Variants in SCG5 observed in about 807,000 individuals in gnomAD.
SCG5 encodes secretogranin V.
SCG5 carries 18 observed loss-of-function variants against 25.7 expected under a neutral mutation model. The ratio of observed to expected loss-of-function variants is 0.70; its 90% CI spans 0.48 to 1.04. SCG5 has a LOEUF of 1.04. Among genes scored for constraint, SCG5 ranks in the 50% least tolerant of loss-of-function variants. SCG5 has a pLI of 0.00. For missense variants in SCG5, 206 were observed against 259.8 expected, an observed-to-expected ratio of 0.79 and a Z score of 1.42; for synonymous variants, 101 against 91.7, an observed-to-expected ratio of 1.10 and a Z score of -0.58.
chr15:32,681,412 C>A (rs2054617931), intron 3 of SCG5, among the ~76,000 whole-genome samples: 1 of 152,044 alleles, frequency 6.6e-6, no homozygotes. Flanking sequence ...GTGTACTCAA[C>A]CACCAGGACA....
intron 2 of SCG5, among the ~76,000 whole-genome samples, chr15:32,651,224 G>C (rs781123108): frequency 6.6e-6 from 1 of 152,206 alleles, no homozygotes; most frequent in East Asian, 1.9e-4. Context: ...AATAAAATAC[G>C]TTCTTTTTTA....
intron 5 of SCG5, among the ~76,000 whole-genome samples, chr15:32,692,712 A>C (rs2054881375): frequency 6.6e-6 from 1 of 152,206 alleles, no homozygotes; most frequent in South Asian, 2.1e-4. Context: ...AAGTGCCTGG[A>C]TCCTCACAAA....
In SCG5 at chr15:32,679,845, C is replaced by T. The variant is rs1026155591; in HGVS notation, c.306C>T (p.Asn102=). The T allele has an allele frequency of 4.3e-6, 7 of 1,613,834 alleles. No individual in the cohort carries two copies. The highest frequency in any genetic ancestry group is 5.9e-6 in the Non-Finnish European group (7 of 1,179,844). ...TCGTGGCAGAGTTGACTGGAGACAACATTCCTAAGGACTTTAGTGAGGATC... is the reference window on the plus strand; with the variant it reads ...TCGTGGCAGAGTTGACTGGAGACAATATTCCTAAGGACTTTAGTGAGGATC... The part of the protein sequence containing the change: ...PNIVAELTGD[N]IPKDFSEDQG... The change falls in exon 3 of 6, where the codon AAC becomes AAT. Residue 102 remains asparagine (N), a synonymous_variant. Transcript: ENST00000300175.
intron 2 of SCG5, among the ~76,000 whole-genome samples, chr15:32,649,520 T>TA (rs1452868343): frequency 2.6e-5 from 4 of 152,200 alleles, no homozygotes; most frequent in Non-Finnish European, 2.9e-5. Flanking sequence ...GTCCTGGGAC[T>TA]AAACCAGCAG....
chr15:32,693,115 A>C lies in SCG5; in HGVS notation c.543+1352A>C, dbSNP rs2054890128. ...ATAATTTACCAGTAACACGGCTTGA[A>C]TATCTCCCTACAACACAACAAGAAC... On this transcript the variant is annotated intron_variant, in intron 5 of 5. Coordinates refer to ENST00000300175, the MANE Select transcript of SCG5 (RefSeq NM_001144757.3). Among the ~76,000 whole-genome samples the C allele has an allele frequency of 2.0e-5, 3 of 152,202 alleles. No individual in the cohort carries two copies. In the South Asian group the frequency reaches 6.2e-4, roughly 31 times the overall value.
intron 3 of SCG5, 34 bp from the exon 4 acceptor site, chr15:32,684,523 T>G: frequency 1.5e-6 from 2 of 1,308,618 alleles, no homozygotes; most frequent in Non-Finnish European, 2.2e-6. Context: ...ATGAATGTCT[T>G]GGCCGTTCCT....
chr15:32,646,814 T>G (rs1337336228), intron 2 of SCG5, among the ~76,000 whole-genome samples: 2 of 152,208 alleles, frequency 1.3e-5, no homozygotes, highest in Non-Finnish European at 2.9e-5. Flanking sequence ...TTGCATTATC[T>G]TTGCTCACAC....
At chr15:32,660,302 A>T (rs1021882680) in intron 2 of SCG5, among the ~76,000 whole-genome samples, 2 of 152,068 alleles carry the variant, frequency 1.3e-5, no homozygotes, top group African/African-American at 4.8e-5. Flanking sequence ...CTGACGAGAG[A>T]GTTATCAGTA....
At chr15:32,688,953 C>T (rs1323773858) in intron 4 of SCG5, among the ~76,000 whole-genome samples, 4 of 23,858 alleles carry the variant, frequency 1.7e-4, no homozygotes, top group Admixed American at 5.7e-4. Context: ...AGCAAGACTC[C>T]GTCTCAAAAA....
chr15:32,673,775 C>A (rs944727370), intron 2 of SCG5, among the ~76,000 whole-genome samples: 5 of 152,060 alleles, frequency 3.3e-5, no homozygotes, highest in Non-Finnish European at 5.9e-5. Flanking sequence ...ACTTTGCCGC[C>A]CAGGCTGGAG....
At chr15:32,652,248 C>T (rs1036542386) in intron 2 of SCG5, among the ~76,000 whole-genome samples, 14 of 151,708 alleles carry the variant, frequency 9.2e-5, no homozygotes, top group Non-Finnish European at 1.9e-4. Context: ...TGGGCAGAGC[C>T]GGCTCTGGGG....
chr15:32,694,764 C>T (rs542722117), intron 5 of SCG5, among the ~76,000 whole-genome samples: 2 of 152,366 alleles, frequency 1.3e-5, no homozygotes, highest in Middle Eastern at 6.8e-3. Flanking sequence ...TGTGATGCAT[C>T]TTTGTAGAGT....
chr15:32,654,974 T>C (rs995512073), intron 2 of SCG5, among the ~76,000 whole-genome samples: 3 of 152,222 alleles, frequency 2.0e-5, no homozygotes, highest in Admixed American at 6.5e-5. Context: ...TTCTCACACT[T>C]GGTCACTTAG....
intron 2 of SCG5, among the ~76,000 whole-genome samples, chr15:32,657,197 C>CTGTG (rs1567073356): frequency 0.019 from 82 of 4,290 alleles, 3 homozygotes; most frequent in African/African-American, 0.054. Context: ...TTTCATCCTC[C>CTGTG]TGTATATATA....
chr15:32,684,061 C>T (rs1199915386), intron 3 of SCG5, among the ~76,000 whole-genome samples: 2 of 152,188 alleles, frequency 1.3e-5, no homozygotes, highest in Admixed American at 1.3e-4. Flanking sequence ...TGGTTCGGCA[C>T]CCCAGACTGC....
chr15:32,653,170 C>T (rs926224011), intron 2 of SCG5, among the ~76,000 whole-genome samples: 3 of 152,178 alleles, frequency 2.0e-5, no homozygotes, highest in Non-Finnish European at 4.4e-5. Context: ...AAGTAGTAGG[C>T]TTAGTAATTC....
At chr15:32,649,001 C>T (rs1199774062) in intron 2 of SCG5, among the ~76,000 whole-genome samples, 1 of 152,174 alleles carries the variant, frequency 6.6e-6, no homozygotes, top group Non-Finnish European at 1.5e-5. Flanking sequence ...CGTGATCCTC[C>T]CGCCTTGGCC....
chr15:32,695,237 G>C (rs939813199), intron 5 of SCG5, among the ~76,000 whole-genome samples: 1 of 151,874 alleles, frequency 6.6e-6, no homozygotes, highest in African/African-American at 2.4e-5. Flanking sequence ...GGATGGTCTC[G>C]ATCTCCTGAC....
chr15:32,663,068 TATATATATATA>T (rs2054258202), intron 2 of SCG5, among the ~76,000 whole-genome samples: 3 of 53,932 alleles, frequency 5.6e-5, no homozygotes, highest in East Asian at 5.1e-4. Context: ...TATATATATA[TATATATATATA>T]ATATATAATA....
Sources: allele counts gnomAD v4.1 joint callset (sites outside exome capture counted in the v4.1 genomes callset), GRCh38; gene constraint gnomAD v4.1.1; transcripts MANE v1.5; gene names NCBI Gene and HGNC (gene_info 2026-07-23, HGNC 2026-07-21).